The following NBAS variants were observed in gnomAD, a reference collection of about 807,000 sequenced individuals.
NBAS encodes the protein NAG/BC035112 fusion.
Under a neutral mutation model 302.5 loss-of-function variants are expected in NBAS, and 219 were observed. That is an observed-to-expected ratio of 0.72 (90% CI 0.65 to 0.81). The LOEUF is 0.81. Among genes scored for constraint, NBAS ranks in the 30% least tolerant of loss-of-function variants. NBAS has a pLI of 0.00. For missense variants in NBAS, 2,932 were observed against 2,841.6 expected (o/e 1.03, Z -0.72); for synonymous variants, 1,118 against 1,021.6 (o/e 1.09, Z -1.80).
Position 15,488,920 on chromosome 2 carries a change from G to T in NBAS, c.1057C>A (p.Gln353Lys). 1.2e-6 allele frequency: 2 copies of T among 1,613,830 alleles called. No individual in the cohort carries two copies. Among genetic ancestry groups the T allele is most frequent in the African/African-American group, 2.7e-5 (2 of 75,018 alleles). The change falls in exon 12 of 52, where the codon CAA becomes AAA. Residue 353 changes from glutamine (Q) to lysine (K), a missense_variant. Gln to Lys is a moderately conservative substitution (Grantham distance 53). Transcript: ENST00000281513. ...TGCTCATTTTGACCCCATTCCCCTT[G>T]TTGCTTCAGAGATGGAATCGCCCAG... ...SIWAIPSLKQ[Q>K]GEWGQNEQPG...
chr2:15,101,343 G>T, the NBAS span, among the ~76,000 whole-genome samples: 2 of 151,642 alleles, frequency 1.3e-5, no homozygotes. Context: ...AACAATTTAG[G>T]ATATTATCTA....
At chr2:15,214,417 T>C (rs1161788791) in intron 48 of NBAS, among the ~76,000 whole-genome samples, 2 of 152,222 alleles carry the variant, frequency 1.3e-5, no homozygotes, top group Non-Finnish European at 2.9e-5. Flanking sequence ...GTATAGTCAC[T>C]TTAGAAAAGG....
chr2:15,119,270 T>C, the NBAS span, among the ~76,000 whole-genome samples: 1 of 149,086 alleles, frequency 6.7e-6, no homozygotes, highest in Non-Finnish European at 1.5e-5. Flanking sequence ...CTCTTAAAAA[T>C]AAATAAAAAC....
rs1679520113 is a variant in NBAS, at chr2:15,461,830, G to C, written c.2098-39C>G. ...TAATGAAAAGTGATTTAATGAAAAG[G>C]CTTTTAAATATGGGTGACAAGAAAA... On this transcript the variant is annotated intron_variant, in intron 19 of 51. Transcript: ENST00000281513. 2 of 1,174,834 alleles carry C rather than the reference G, an allele frequency of 1.7e-6. 1 individual carries two copies. Among genetic ancestry groups the C allele is most frequent in the Non-Finnish European group, 2.5e-6 (2 of 789,154 alleles). 72.8% of individuals were successfully genotyped at this position (1,174,834 alleles called of 1,614,324 possible).
chr2:14,886,026 T>C, the NBAS span, among the ~76,000 whole-genome samples: 1 of 152,126 alleles, frequency 6.6e-6, no homozygotes, highest in East Asian at 1.9e-4. Flanking sequence ...AATGGGGCCA[T>C]AGCTGGAGAG....
chr2:14,909,366 T>TAAAAAAAAAAAGA, the NBAS span, among the ~76,000 whole-genome samples: 1 of 78,582 alleles, frequency 1.3e-5, no homozygotes, highest in African/African-American at 5.5e-5. Flanking sequence ...GGAGAGTTTC[T>TAAAAAAAAAAAGA]AAAAAAAAAA....
At chr2:15,141,582 A>C in the NBAS span, among the ~76,000 whole-genome samples, 1 of 152,360 alleles carries the variant, frequency 6.6e-6, no homozygotes, top group East Asian at 1.9e-4. Context: ...CTGAGGAAAG[A>C]GTTAGCATGC....
intron 21 of NBAS, among the ~76,000 whole-genome samples, chr2:15,458,562 A>T (rs1212370947): frequency 6.6e-6 from 1 of 151,790 alleles, no homozygotes; most frequent in Non-Finnish European, 1.5e-5. Flanking sequence ...CTCCCCCTTC[A>T]CCTTCCACCA....
intron 48 of NBAS, among the ~76,000 whole-genome samples, chr2:15,215,605 G>A (rs1468406240): frequency 2.6e-5 from 4 of 152,160 alleles, no homozygotes; most frequent in African/African-American, 7.2e-5. Context: ...TGAAGAAGGG[G>A]ATAGAGAGAA....
the NBAS span, among the ~76,000 whole-genome samples, chr2:15,061,092 C>T: frequency 6.6e-6 from 1 of 152,180 alleles, no homozygotes; most frequent in Non-Finnish European, 1.5e-5. Flanking sequence ...TCATTCAGGG[C>T]TCAGGATGAG....
chr2:15,151,442 T>C, the NBAS span, among the ~76,000 whole-genome samples: 4 of 152,230 alleles, frequency 2.6e-5, no homozygotes, highest in Non-Finnish European at 4.4e-5. Context: ...ATTAGAAATC[T>C]GCCCAAACAG....
chr2:14,806,001 T>C, the NBAS span, among the ~76,000 whole-genome samples: 2 of 152,328 alleles, frequency 1.3e-5, no homozygotes, highest in South Asian at 4.1e-4. Context: ...TTATGTCTTA[T>C]ACACCCTCCA....
chr2:15,483,267 G>C, intron 12 of NBAS: 1 of 332,864 alleles, frequency 3.0e-6, no homozygotes, highest in South Asian at 2.8e-5. Flanking sequence ...CTCACAGTCT[G>C]GTGAAATTGT....
chr2:14,893,862 C>G, the NBAS span, among the ~76,000 whole-genome samples: 1 of 152,212 alleles, frequency 6.6e-6, no homozygotes, highest in Admixed American at 6.5e-5. Context: ...TTAGGGGTGA[C>G]AACAGCTTCC....
At chr2:14,841,509 A>G in the NBAS span, among the ~76,000 whole-genome samples, 1 of 151,726 alleles carries the variant, frequency 6.6e-6, no homozygotes, top group Non-Finnish European at 1.5e-5. Flanking sequence ...ACAAAAAAAA[A>G]AAAAAACAGG....
At chr2:14,864,840 T>C in the NBAS span, among the ~76,000 whole-genome samples, 6 of 152,288 alleles carry the variant, frequency 3.9e-5, no homozygotes, top group East Asian at 1.2e-3. Context: ...GTAATACATA[T>C]AAAGTACCTA....
At chr2:14,990,510 G>A in the NBAS span, among the ~76,000 whole-genome samples, 90 of 151,990 alleles carry the variant, frequency 5.9e-4, 1 homozygote, top group East Asian at 0.011. Flanking sequence ...TTTGCATCTC[G>A]GTTAAAAATA....
chr2:15,547,479 C>G (rs13399542), intron 6 of NBAS, among the ~76,000 whole-genome samples: 1 of 152,188 alleles, frequency 6.6e-6, no homozygotes, highest in Non-Finnish European at 1.5e-5. Context: ...GCATTATTTT[C>G]TTATCCTTGC....
At chr2:15,302,288 A>T (rs1670839347) in intron 40 of NBAS, among the ~76,000 whole-genome samples, 1 of 152,200 alleles carries the variant, frequency 6.6e-6, no homozygotes, top group Non-Finnish European at 1.5e-5. Flanking sequence ...GATGCTTTCC[A>T]GAAGTTGCCA....
Sources: gnomAD v4.1 joint callset for allele counts (sites outside exome capture counted in the v4.1 genomes callset) on GRCh38, gnomAD v4.1.1 for gene constraint, MANE v1.5 for transcripts, NCBI Gene and HGNC (gene_info 2026-07-23, HGNC 2026-07-21) for gene names.